RGPD2: variants seen among roughly 807,000 people sequenced by gnomAD.
The protein encoded by RGPD2 is RANBP2-like and GRIP domain-containing protein 2.
Under a neutral mutation model 36.0 loss-of-function variants are expected in RGPD2, and 2 were observed. That is an observed-to-expected ratio of 0.06 (90% CI 0.02 to 0.17). RGPD2 has a LOEUF of 0.17. RGPD2 is among the 10% of genes least tolerant of loss of function. RGPD2 has a pLI of 1.00. For synonymous variants in RGPD2, 19 were observed against 163.8 expected, an observed-to-expected ratio of 0.12 and a Z score of 6.75; for missense variants, 40 against 464.3, an observed-to-expected ratio of 0.09 and a Z score of 8.40.
At chr2:87,857,602 A>G in the RGPD2 span, among the ~76,000 whole-genome samples, 1 of 150,302 alleles carries the variant, frequency 6.7e-6, no homozygotes, top group Non-Finnish European at 1.5e-5. Context: ...TCGGCCTCCC[A>G]AAGTGAGCCA....
the RGPD2 span, among the ~76,000 whole-genome samples, chr2:87,958,580 A>G: frequency 1.3e-5 from 2 of 152,164 alleles, no homozygotes; most frequent in East Asian, 1.9e-4. Context: ...TAAAATACAC[A>G]TGTTCTAAAT....
At chr2:87,988,843 C>A in the RGPD2 span, among the ~76,000 whole-genome samples, 1 of 151,898 alleles carries the variant, frequency 6.6e-6, no homozygotes, top group African/African-American at 2.4e-5. Flanking sequence ...GCCCAGCAGG[C>A]ATGTCCATAT....
chr2:87,827,351 T>C (rs1330901001), upstream of RGPD2, among the ~76,000 whole-genome samples: 1 of 152,152 alleles, frequency 6.6e-6, no homozygotes, highest in Admixed American at 6.5e-5. Context: ...CATAGTAGAA[T>C]AAAAAAAACT....
chr2:87,843,737 A>T, the RGPD2 span, among the ~76,000 whole-genome samples: 1 of 152,196 alleles, frequency 6.6e-6, no homozygotes, highest in African/African-American at 2.4e-5. Context: ...ACTATAAAAC[A>T]TGCTGCTATA....
At chr2:87,930,836 T>C in the RGPD2 span, among the ~76,000 whole-genome samples, 3 of 149,594 alleles carry the variant, frequency 2.0e-5, no homozygotes, top group African/African-American at 7.3e-5. Context: ...CTTCCAGTTT[T>C]TTTTTTTTTT....
At chr2:87,830,232 G>C (rs1277715170), upstream of RGPD2, among the ~76,000 whole-genome samples, 1 of 152,238 alleles carries the variant, frequency 6.6e-6, no homozygotes, top group African/African-American at 2.4e-5. Context: ...AGACTTTGCA[G>C]GGTACAGGCT....
At chr2:87,875,627 A>C in the RGPD2 span, among the ~76,000 whole-genome samples, 5 of 152,254 alleles carry the variant, frequency 3.3e-5, no homozygotes, top group Admixed American at 2.0e-4. Flanking sequence ...TTTATTGAAA[A>C]ATTTTTATAT....
chr2:87,985,877 T>C, the RGPD2 span: 3 of 1,608,426 alleles, frequency 1.9e-6, no homozygotes, highest in Admixed American at 3.3e-5. Context: ...CTATTTCTTT[T>C]GGCAGGATAA....
At chr2:87,905,208 A>G in the RGPD2 span, among the ~76,000 whole-genome samples, 1 of 152,272 alleles carries the variant, frequency 6.6e-6, no homozygotes, top group African/African-American at 2.4e-5. Context: ...TAAGAGGTGC[A>G]GCCGCATTTC....
the RGPD2 span, among the ~76,000 whole-genome samples, chr2:87,857,970 TATA>T: frequency 9.9e-5 from 15 of 151,622 alleles, no homozygotes; most frequent in Non-Finnish European, 2.1e-4. Context: ...AGTTCTGAAA[TATA>T]ACATAACCAT....
chr2:87,853,430 T>A, the RGPD2 span, among the ~76,000 whole-genome samples: 3 of 151,924 alleles, frequency 2.0e-5, no homozygotes, highest in African/African-American at 7.3e-5. Context: ...TGCGATGTTG[T>A]CCAGAATGGT....
chr2:87,971,957 C>G, the RGPD2 span, among the ~76,000 whole-genome samples: 1 of 151,104 alleles, frequency 6.6e-6, no homozygotes, highest in Admixed American at 6.6e-5. Flanking sequence ...AGAACCCAAC[C>G]ACCCAAAAAA....
chr2:87,758,308 AAGAG>A (rs1558713896), intron 22 of RGPD2, among the ~76,000 whole-genome samples: 2 of 103,658 alleles, frequency 1.9e-5, no homozygotes, highest in African/African-American at 3.7e-5. Flanking sequence ...TTAGGACTAA[AAGAG>A]AGAATGTGTG....
intron 1 of RGPD2, among the ~76,000 whole-genome samples, chr2:87,825,344 C>A (rs1686662870): frequency 6.7e-6 from 1 of 149,802 alleles, no homozygotes; most frequent in African/African-American, 2.4e-5. Flanking sequence ...TTTATTGCCA[C>A]AACTAATCTT....
the RGPD2 span, among the ~76,000 whole-genome samples, chr2:87,952,267 G>T: frequency 6.6e-6 from 1 of 152,078 alleles, no homozygotes; most frequent in African/African-American, 2.4e-5. Flanking sequence ...ATGGGAGAGA[G>T]TTTAGAAAAA....
the RGPD2 span, among the ~76,000 whole-genome samples, chr2:87,912,263 A>G: frequency 9.0e-3 from 1,360 of 150,500 alleles, no homozygotes; most frequent in African/African-American, 0.032. Context: ...CATATTTTCA[A>G]CTCTCAATAA....
At chr2:87,896,906 A>G in the RGPD2 span, among the ~76,000 whole-genome samples, 2,078 of 146,136 alleles carry the variant, frequency 0.014, no homozygotes, top group African/African-American at 0.05. Flanking sequence ...TATTTTTTAT[A>G]TTTCCGTTAA....
chr2:87,947,290 C>A, the RGPD2 span, among the ~76,000 whole-genome samples: 2 of 150,748 alleles, frequency 1.3e-5, no homozygotes, highest in African/African-American at 4.8e-5. Flanking sequence ...TAAACCTGTC[C>A]ATGACCATTA....
chr2:87,857,500 G>A, the RGPD2 span, among the ~76,000 whole-genome samples: 89 of 151,502 alleles, frequency 5.9e-4, no homozygotes, highest in South Asian at 5.6e-3. Flanking sequence ...CCGCCTCCAC[G>A]CCTGGCTAAT....
Sources: gnomAD v4.1 joint callset for allele counts (sites outside exome capture counted in the v4.1 genomes callset) on GRCh38, gnomAD v4.1.1 for gene constraint, MANE v1.5 for transcripts, NCBI Gene and HGNC (gene_info 2026-07-23, HGNC 2026-07-21) for gene names.